Variants in SNCAIP observed in about 807,000 individuals in gnomAD.
SNCAIP encodes the protein synphilin-1.
In SNCAIP, 43 loss-of-function variants were observed where a neutral mutation model predicts 86.7. The observed-to-expected ratio is 0.50, with a 90% CI of 0.39 to 0.64. The LOEUF (loss-of-function observed/expected upper bound fraction) is 0.64. Ranked by LOEUF, SNCAIP falls within the 30% of genes least tolerant of loss-of-function variation. The probability of loss-of-function intolerance (pLI) is 0.00; values close to 1 mark genes in which losing one functional copy is unlikely to be tolerated. For missense variants in SNCAIP, 981 were observed against 1,103.1 expected, an observed-to-expected ratio of 0.89 and a Z score of 1.57; for synonymous variants, 417 against 427.2, an observed-to-expected ratio of 0.98 and a Z score of 0.29.
Position 122,378,378 on chromosome 5 carries a change from G to C in SNCAIP, c.-46-12711G>C, listed in dbSNP as rs1406542063. 3.3e-4 allele frequency among the ~76,000 whole-genome samples: 44 copies of C among 132,146 alleles called. 2 individuals carry two copies. Among genetic ancestry groups the C allele is most frequent in the Non-Finnish European group, 5.7e-4 (35 of 61,418 alleles). 86.7% of individuals were successfully genotyped at this position (132,146 alleles called of 152,430 possible). On this transcript the variant is annotated intron_variant, in intron 1 of 10. Coordinates refer to ENST00000261368, the MANE Select transcript of SNCAIP (RefSeq NM_005460.4). ...TGTTCATGTCCTTCGCCCACTTTTT[G>C]ATGGGGTTGTTTGTTTTTTTCTTGT...
intron 1 of SNCAIP, chr5:122,321,182 T>A (rs997829545): frequency 3.3e-5 from 5 of 152,348 alleles, no homozygotes; most frequent in Non-Finnish European, 5.9e-5. Flanking sequence ...GACATCAATT[T>A]TAATAATATA....
intron 1 of SNCAIP, among the ~76,000 whole-genome samples, chr5:122,317,706 G>A (rs1341602484): frequency 6.6e-6 from 1 of 152,158 alleles, no homozygotes; most frequent in Non-Finnish European, 1.5e-5. Flanking sequence ...GAAAAGAAGA[G>A]ATAGGAGATG....
At chr5:122,398,120 C>T (rs904360056) in intron 2 of SNCAIP, among the ~76,000 whole-genome samples, 10 of 152,016 alleles carry the variant, frequency 6.6e-5, no homozygotes, top group African/African-American at 1.2e-4. Context: ...TCAAAAGAGA[C>T]GGCTGATGAA....
intron 2 of SNCAIP, among the ~76,000 whole-genome samples, chr5:122,391,708 C>T (rs914576123): frequency 8.5e-5 from 13 of 152,188 alleles, no homozygotes; most frequent in Non-Finnish European, 1.5e-4. Context: ...AAGGACTGGA[C>T]TAGCTGACTT....
At chr5:122,370,161 CA>C (rs1764002053) in intron 1 of SNCAIP, 1 of 151,914 alleles carries the variant, frequency 6.6e-6, no homozygotes, top group Non-Finnish European at 1.5e-5. Flanking sequence ...ACACAGGTAT[CA>C]AAATATTACG....
intron 1 of SNCAIP, among the ~76,000 whole-genome samples, chr5:122,351,536 CAAAAAAAAAAAAAAAAAA>C (rs541191012): frequency 2.7e-5 from 1 of 36,488 alleles, no homozygotes; most frequent in Non-Finnish European, 5.3e-5. Flanking sequence ...GACTCTGTAT[CAAAAAAAAAAAAAAAAAA>C]AAAAAAAAAA....
At chr5:122,419,518 G>A (rs1240608587) in intron 3 of SNCAIP, among the ~76,000 whole-genome samples, 1 of 152,144 alleles carries the variant, frequency 6.6e-6, no homozygotes, top group East Asian at 1.9e-4. Context: ...GTTTACTTCT[G>A]TAAGATGTTA....
chr5:122,425,454 C>T lies in SNCAIP; in HGVS notation c.1105C>T (p.Leu369Phe). The T allele has an allele frequency of 1.2e-6, 2 of 1,614,066 alleles. No homozygotes were observed. The highest frequency in any genetic ancestry group is 1.3e-5 in the African/African-American group (1 of 75,056). ...GGGACACGCAGAGTGTCTACAGCAC[C>T]TCACTTCTTTGATGGGAGAAGACTG... Reference protein sequence around the residue: ...SQGHAECLQHLTSLMGEDCLN... With the variant: ...SQGHAECLQHFTSLMGEDCLN... The change falls in exon 5 of 11, where the codon CTC becomes TTC. Residue 369 changes from leucine (L) to phenylalanine (F), a missense_variant. Physicochemically the swap from Leu to Phe is conservative, Grantham distance 22 (BLOSUM62 0). Transcript: ENST00000261368.
chr5:122,387,124 A>G (rs568689461), intron 1 of SNCAIP, among the ~76,000 whole-genome samples: 8 of 152,232 alleles, frequency 5.3e-5, no homozygotes, highest in African/African-American at 1.7e-4. Context: ...TATGATGCAT[A>G]GCAATAAAAA....
chr5:122,318,535 AAT>A (rs759959461), intron 1 of SNCAIP, among the ~76,000 whole-genome samples: 2 of 152,160 alleles, frequency 1.3e-5, no homozygotes, highest in Non-Finnish European at 2.9e-5. Context: ...ATGAGAGAAA[AAT>A]GTGTGTTGAA....
chr5:122,420,589 T>A (rs530058515), intron 3 of SNCAIP, among the ~76,000 whole-genome samples: 1,619 of 137,368 alleles, frequency 0.012, 26 homozygotes, highest in African/African-American at 0.041. Flanking sequence ...ATATATATTT[T>A]TTTTTCCATT....
chr5:122,390,171 T>G (rs578103902), intron 1 of SNCAIP, among the ~76,000 whole-genome samples: 57 of 152,254 alleles, frequency 3.7e-4, no homozygotes, highest in Middle Eastern at 3.4e-3. Context: ...TTAAGATAAT[T>G]TTTACAATAA....
intron 3 of SNCAIP, among the ~76,000 whole-genome samples, chr5:122,404,960 A>G (rs1309890869): frequency 2.0e-5 from 3 of 152,212 alleles, no homozygotes; most frequent in African/African-American, 7.2e-5. Flanking sequence ...GATAGTTTTC[A>G]GTTCAAATAA....
intron 1 of SNCAIP, among the ~76,000 whole-genome samples, chr5:122,343,600 A>T (rs1758018356): frequency 6.6e-6 from 1 of 152,202 alleles, no homozygotes; most frequent in African/African-American, 2.4e-5. Context: ...TCTGTCATAT[A>T]TGTTTTCTCT....
Position 122,463,522 on chromosome 5 carries a change from T to C in SNCAIP, c.*26T>C. 2 of 1,609,514 alleles carry C rather than the reference T, an allele frequency of 1.2e-6. No homozygotes were observed. Among genetic ancestry groups the C allele is most frequent in the Non-Finnish European group, 8.5e-7 (1 of 1,176,664 alleles). ...TGACATCAATAGAAAAATGAAGAAA[T>C]CCTACAGCATAAAGCACATTGCTGA... On this transcript the variant is annotated 3_prime_UTR_variant, in exon 11 of 11. Coordinates refer to ENST00000261368, the MANE Select transcript of SNCAIP (RefSeq NM_005460.4).
At chr5:122,331,898 T>G (rs1755429209) in intron 1 of SNCAIP, among the ~76,000 whole-genome samples, 1 of 152,228 alleles carries the variant, frequency 6.6e-6, no homozygotes, top group Non-Finnish European at 1.5e-5. Flanking sequence ...TACTGATATA[T>G]TCATCAAACC....
chr5:122,386,096 G>C (rs1053171038), intron 1 of SNCAIP, among the ~76,000 whole-genome samples: 7 of 152,174 alleles, frequency 4.6e-5, no homozygotes, highest in African/African-American at 1.7e-4. Context: ...AATGAGTGTA[G>C]TTTCTCAAGG....
At chr5:122,435,273 T>C (rs1326803108) in intron 6 of SNCAIP, among the ~76,000 whole-genome samples, 1 of 152,188 alleles carries the variant, frequency 6.6e-6, no homozygotes, top group Non-Finnish European at 1.5e-5. Context: ...ATAGGCCTGC[T>C]TTGCTGGCCC....
intron 10 of SNCAIP, chr5:122,451,809 A>G: frequency 5.4e-6 from 3 of 550,556 alleles, no homozygotes; most frequent in Admixed American, 3.4e-5. Context: ...AAAATACTCT[A>G]AGAGAGAAAG....
Sources: gnomAD v4.1 joint callset for allele counts (sites outside exome capture counted in the v4.1 genomes callset) on GRCh38, gnomAD v4.1.1 for gene constraint, MANE v1.5 for transcripts, NCBI Gene and HGNC (gene_info 2026-07-23, HGNC 2026-07-21) for gene names.